PTPRN2: variants seen among roughly 807,000 people sequenced by gnomAD.
PTPRN2 encodes receptor-type tyrosine-protein phosphatase N2.
PTPRN2 carries 74 observed loss-of-function variants against 118.8 expected under a neutral mutation model. The ratio of observed to expected loss-of-function variants is 0.62; its 90% CI spans 0.52 to 0.76. The LOEUF (loss-of-function observed/expected upper bound fraction) is 0.76, where lower values mean the gene tolerates loss of function less well. PTPRN2 is among the 30% of genes least tolerant of loss of function. PTPRN2 has a pLI of 0.00. For synonymous variants in PTPRN2, 641 were observed against 608.0 expected, an observed-to-expected ratio of 1.05 and a Z score of -0.80; for missense variants, 1,481 against 1,394.4, an observed-to-expected ratio of 1.06 and a Z score of -0.99.
At chr7:157,782,010 G>C (rs9647687) in intron 12 of PTPRN2, among the ~76,000 whole-genome samples, 35,508 of 152,256 alleles carry the variant, frequency 0.23, 6,435 homozygotes, top group African/African-American at 0.51. Context: ...ACAGACGGGA[G>C]TAGGTTCCCA....
At chr7:158,243,247 A>G (rs1359258880) in intron 3 of PTPRN2, among the ~76,000 whole-genome samples, 2 of 152,232 alleles carry the variant, frequency 1.3e-5, no homozygotes, top group Admixed American at 1.3e-4. Context: ...TCATTTCCAT[A>G]TACCAGACTC....
At position 157,609,217 on chromosome 7, in the gene PTPRN2, T is replaced by C. The variant is rs1802183860; in HGVS notation, c.2345-5142A>G. Among the ~76,000 whole-genome samples the C allele has an allele frequency of 6.6e-6, 1 of 152,134 alleles. No homozygotes were observed. Among genetic ancestry groups the C allele is most frequent in the South Asian group, 2.1e-4 (1 of 4,822 alleles). On this transcript the variant is annotated intron_variant, in intron 15 of 22. Transcript: ENST00000389418. The surrounding 1 kb of genome is among the most constrained non-coding windows in gnomAD (Gnocchi z 4.9). ...GGCCAAAGTGGCAAAACCACGTCTC[T>C]ACTAAAAATACAAAAATTAGCCAGG...
intron 2 of PTPRN2, among the ~76,000 whole-genome samples, chr7:158,359,600 T>C (rs151180519): frequency 6.6e-6 from 1 of 152,294 alleles, no homozygotes; most frequent in East Asian, 1.9e-4. Flanking sequence ...AGATTAAACA[T>C]AATAATAATT....
intron 2 of PTPRN2, among the ~76,000 whole-genome samples, chr7:158,369,027 A>G (rs1809750909): frequency 6.6e-6 from 1 of 152,044 alleles, no homozygotes; most frequent in Admixed American, 6.5e-5. Context: ...GCACCATCTA[A>G]TCAGTCGCTG....
intron 2 of PTPRN2, among the ~76,000 whole-genome samples, chr7:158,466,753 C>G (rs1389019428): frequency 6.6e-6 from 1 of 152,180 alleles, no homozygotes; most frequent in Non-Finnish European, 1.5e-5. Flanking sequence ...AAACAGTGTG[C>G]AAGTTGGCCA....
intron 14 of PTPRN2, among the ~76,000 whole-genome samples, chr7:157,646,084 C>G (rs1172837943): frequency 6.6e-6 from 1 of 152,218 alleles, no homozygotes; most frequent in East Asian, 1.9e-4. Context: ...ACCAGGGATC[C>G]TGCTGATCAC....
chr7:158,133,933 A>G lies in PTPRN2; in HGVS notation c.1300T>C (p.Ser434Pro), dbSNP rs1392775689. The change falls in exon 9 of 23, where the codon TCC (serine) becomes CCC (proline). Residue 434 changes from serine to proline, a missense_variant. By Grantham distance (74) the Ser-to-Pro change is moderately conservative. This residue lies in a region of PTPRN2 where 1,115 missense variants were observed against 994.2 expected (regional missense o/e 1.12). Transcript: ENST00000389418. ...ERKKSEHPESSLSSEEETAGV... is the reference protein window; with the variant it reads ...ERKKSEHPESPLSSEEETAGV... Reference sequence around the variant, plus strand: ...GCAGTCTCCTCTTCTGAAGACAGGGAAGACTCAGGGTGCTCGGACTTCTTC... The same window carrying G: ...GCAGTCTCCTCTTCTGAAGACAGGGGAGACTCAGGGTGCTCGGACTTCTTC... 5 of 1,613,978 alleles carry G rather than the reference A, an allele frequency of 3.1e-6. No homozygotes were observed. The highest frequency in any genetic ancestry group is 4.2e-6 in the Non-Finnish European group (5 of 1,180,036).
chr7:158,564,547 T>G (rs904422600), intron 1 of PTPRN2, among the ~76,000 whole-genome samples: 2 of 152,240 alleles, frequency 1.3e-5, no homozygotes, highest in African/African-American at 4.8e-5. Context: ...AGCACGGGGC[T>G]AGGCAGTTGC....
Position 157,784,010 on chromosome 7 carries a change from T to C in PTPRN2, c.1789-101073A>G, listed in dbSNP as rs1177890708. Among the ~76,000 whole-genome samples, 1 of 152,192 alleles carries C rather than the reference T, an allele frequency of 6.6e-6. No homozygotes were observed. The highest frequency in any genetic ancestry group is 1.5e-5 in the Non-Finnish European group (1 of 68,042). ...CAGGAGTAAATTCAGGATGAGTGGC[T>C]GAAACATTTCCCACATGGTTGGAGT... On this transcript the variant is annotated intron_variant, in intron 12 of 22. Transcript: ENST00000389418. This position sits in a 1 kb window ranked among gnomAD's most constrained non-coding sequence, Gnocchi z 4.6.
intron 11 of PTPRN2, among the ~76,000 whole-genome samples, chr7:157,991,654 T>A (rs950709017): frequency 6.6e-6 from 1 of 152,168 alleles, no homozygotes; most frequent in African/African-American, 2.4e-5. Flanking sequence ...CCAGTGAGGA[T>A]CTGTGGAGAT....
At position 157,637,410 on chromosome 7, in the gene PTPRN2, T is replaced by C. The variant is rs546479514; in HGVS notation, c.2197-15901A>G. Among the ~76,000 whole-genome samples, 16 of 152,286 alleles carry C rather than the reference T, an allele frequency of 1.1e-4. No individual in the cohort carries two copies. The South Asian group carries it at 3.3e-3, about 32-fold the overall frequency. On this transcript the variant is annotated intron_variant, in intron 14 of 22. Transcript: ENST00000389418. The stretch of plus-strand genomic sequence containing the variant: ...ATCCCAGCTCTGTGACAAGCAGCCC[T>C]GGGTGGGGGAATCGGGGTGGCTCAG...
At chr7:158,130,041 TCAC>T (rs1818041869) in intron 9 of PTPRN2, among the ~76,000 whole-genome samples, 1 of 152,206 alleles carries the variant, frequency 6.6e-6, no homozygotes, top group African/African-American at 2.4e-5. Context: ...ACTAAGATAA[TCAC>T]CTACAGCTGA....
At chr7:158,422,772 C>A (rs549893463) in intron 2 of PTPRN2, among the ~76,000 whole-genome samples, 3 of 146,944 alleles carry the variant, frequency 2.0e-5, no homozygotes, top group Non-Finnish European at 4.5e-5. Flanking sequence ...ATGTGGTCTC[C>A]GTCACACCTG....
chr7:158,430,970 A>G (rs930954635), intron 2 of PTPRN2, among the ~76,000 whole-genome samples: 4 of 152,238 alleles, frequency 2.6e-5, no homozygotes, highest in African/African-American at 9.6e-5. Flanking sequence ...CAGAGCAGAC[A>G]TGTTTGACTC....
chr7:158,294,407 C>T (rs1800323030), intron 3 of PTPRN2, among the ~76,000 whole-genome samples: 1 of 152,160 alleles, frequency 6.6e-6, no homozygotes, highest in Admixed American at 6.5e-5. Flanking sequence ...TCATGTCTGG[C>T]TCCCATATTT....
intron 11 of PTPRN2, among the ~76,000 whole-genome samples, chr7:157,917,100 G>A (rs1447958511): frequency 1.3e-5 from 2 of 150,184 alleles, no homozygotes; most frequent in Admixed American, 6.6e-5. Flanking sequence ...TCCAGGACAC[G>A]TCCAACACAC....
intron 12 of PTPRN2, among the ~76,000 whole-genome samples, chr7:157,687,595 A>G (rs1797261487): frequency 6.6e-6 from 1 of 152,258 alleles, no homozygotes; most frequent in African/African-American, 2.4e-5. Context: ...AATTATAAAT[A>G]CCTTTTTCTC....
chr7:157,879,226 T>G (rs892504086), intron 12 of PTPRN2, among the ~76,000 whole-genome samples: 1 of 152,106 alleles, frequency 6.6e-6, no homozygotes, highest in South Asian at 2.1e-4. Context: ...GAAGGGTCAG[T>G]GTGATACCGT....
intron 22 of PTPRN2, among the ~76,000 whole-genome samples, chr7:157,548,595 A>C (rs1193240815): frequency 6.6e-6 from 1 of 152,226 alleles, no homozygotes; most frequent in Admixed American, 6.5e-5. Flanking sequence ...GCGCTCAGAG[A>C]GCTCAGAACA....
Sources: gnomAD v4.1 joint callset for allele counts (sites outside exome capture counted in the v4.1 genomes callset) on GRCh38, gnomAD v4.1.1 for gene constraint, gnomAD v4.1.1 regional missense constraint, Gnocchi (gnomAD v3.1) non-coding constraint, MANE v1.5 for transcripts, NCBI Gene and HGNC (gene_info 2026-07-23, HGNC 2026-07-21) for gene names.